The following ZNF492 variants were observed in gnomAD, a reference collection of about 807,000 sequenced individuals.
ZNF492 encodes the protein zinc finger protein 115 (Y20).
ZNF492 carries 3 observed loss-of-function variants against 6.4 expected under a neutral mutation model. The ratio of observed to expected loss-of-function variants is 0.47; its 90% CI spans 0.21 to 1.22. ZNF492 has a LOEUF of 1.22. ZNF492 is among the 50% of genes most tolerant of loss of function. ZNF492 has a pLI of 0.22. For missense variants in ZNF492, 356 were observed against 612.5 expected (o/e 0.58, Z 4.42); for synonymous variants, 112 against 205.3 (o/e 0.55, Z 3.89).
At chr19:22,647,695 G>T (rs1971896193) in intron 1 of ZNF492, among the ~76,000 whole-genome samples, 1 of 146,612 alleles carries the variant, frequency 6.8e-6, no homozygotes, top group Non-Finnish European at 1.5e-5. Flanking sequence ...TTTGGAATTG[G>T]ATTTGTTTGC....
chr19:22,650,362 G>A (rs1019679288), intron 1 of ZNF492, among the ~76,000 whole-genome samples: 1 of 152,138 alleles, frequency 6.6e-6, no homozygotes, highest in Admixed American at 6.5e-5. Context: ...TAGGGTGTCT[G>A]ACAACCCCAG....
At chr19:22,634,611 G>T in intron 1 of ZNF492, 137 bp downstream of exon 1, 1 of 965,248 alleles carries the variant, frequency 1.0e-6, no homozygotes, top group South Asian at 1.4e-5. Flanking sequence ...GCCCAGCCCA[G>T]CCTCAGTCCC....
chr19:22,659,408 C>A (rs1972031447), intron 3 of ZNF492, among the ~76,000 whole-genome samples: 2 of 151,696 alleles, frequency 1.3e-5, no homozygotes, highest in Admixed American at 1.3e-4. Context: ...CTTACACTGC[C>A]TGGAAGTCCT....
At chr19:22,641,161 G>T (rs1178436974) in intron 1 of ZNF492, among the ~76,000 whole-genome samples, 1 of 152,026 alleles carries the variant, frequency 6.6e-6, no homozygotes, top group Non-Finnish European at 1.5e-5. Context: ...ATTTGCTCTT[G>T]CTTCTCTCAG....
At chr19:22,645,882 G>A (rs1410147040) in intron 1 of ZNF492, among the ~76,000 whole-genome samples, 1 of 152,096 alleles carries the variant, frequency 6.6e-6, no homozygotes, top group East Asian at 1.9e-4. Flanking sequence ...TGGTCTATAT[G>A]TCTGTTTTTG....
chr19:22,652,945 G>A (rs1971956596), intron 1 of ZNF492, among the ~76,000 whole-genome samples: 1 of 152,118 alleles, frequency 6.6e-6, no homozygotes, highest in Admixed American at 6.5e-5. Context: ...TAACATGTGA[G>A]CAGTATTTTC....
intron 3 of ZNF492, among the ~76,000 whole-genome samples, chr19:22,654,821 C>T (rs1183563655): frequency 6.7e-6 from 1 of 149,700 alleles, no homozygotes; most frequent in South Asian, 2.1e-4. Context: ...AGGCTGGTCT[C>T]GAACTCCTAG....
At chr19:22,654,674 T>A (rs188618314) in intron 3 of ZNF492, among the ~76,000 whole-genome samples, 268 of 151,280 alleles carry the variant, frequency 1.8e-3, no homozygotes, top group Admixed American at 3.0e-3. Flanking sequence ...TCATCTCGGC[T>A]AACTGCAACC....
rs1456990802 is a variant in ZNF492 at position 22,634,393 on chromosome 19, C to T, written c.-175C>T. 1.6e-5 allele frequency: 21 copies of T among 1,276,228 alleles called. No homozygotes were observed. Among genetic ancestry groups the T allele is most frequent in the Non-Finnish European group, 2.4e-5 (21 of 893,338 alleles). 79.1% of individuals were successfully genotyped at this position (1,276,228 alleles called of 1,614,324 possible). On this transcript the variant is annotated 5_prime_UTR_variant, in exon 1 of 4. Coordinates refer to ENST00000456783, the MANE Select transcript of ZNF492 (RefSeq NM_020855.3). The stretch of plus-strand genomic sequence containing the variant: ...GTTCTGCGTCCTCTGGTCCTAGAGG[C>T]CCATCCTCTGTGGCCCTGTGACCTG...
rs576635564 is a variant in ZNF492, at chr19:22,639,473, G to A, written c.-94+4999G>A. On this transcript the variant is annotated intron_variant, in intron 1 of 3. Coordinates refer to ENST00000456783, the MANE Select transcript of ZNF492 (RefSeq NM_020855.3). ...CACCTGTAATCCCAGCACTTTGGGAGGCCAAGGCGGGCAGATCATCTGAGG... is the reference window on the plus strand; with the variant it reads ...CACCTGTAATCCCAGCACTTTGGGAAGCCAAGGCGGGCAGATCATCTGAGG... Among the ~76,000 whole-genome samples, 20 of 152,080 alleles carry A rather than the reference G, an allele frequency of 1.3e-4. No individual in the cohort carries two copies. The East Asian group carries it at 3.7e-3, about 28-fold the overall frequency.
chr19:22,638,947 A>G (rs973777730), intron 1 of ZNF492, among the ~76,000 whole-genome samples: 2 of 151,846 alleles, frequency 1.3e-5, no homozygotes, highest in Non-Finnish European at 2.9e-5. Flanking sequence ...GGTTCAAGCA[A>G]TTCTCTCCCT....
intron 1 of ZNF492, among the ~76,000 whole-genome samples, chr19:22,638,185 TC>T (rs796147325): frequency 1.3e-5 from 2 of 152,294 alleles, no homozygotes; most frequent in African/African-American, 4.8e-5. Context: ...ATTGATGGTT[TC>T]CTTTGCTGTG....
chr19:22,651,169 G>A (rs1162076095), intron 1 of ZNF492, among the ~76,000 whole-genome samples: 1 of 152,024 alleles, frequency 6.6e-6, no homozygotes, highest in Non-Finnish European at 1.5e-5. Context: ...CCTGCCCCGT[G>A]TGGCTCTCAG....
chr19:22,667,654 T>G lies in ZNF492; in HGVS notation c.*2389T>G, dbSNP rs185428803. ...TACACATTTCTGAGTCCTGAATAAA[T>G]AAAAATAATTTCTTGTATATTTTTC... is the stretch of plus-strand genomic sequence containing the variant. On this transcript the variant is annotated 3_prime_UTR_variant, in exon 4 of 4. Transcript: ENST00000456783. 2.5e-4 allele frequency: 38 copies of G among 152,062 alleles called. No individual in the cohort carries two copies. The highest frequency in any genetic ancestry group is 6.5e-4 in the Admixed American group (10 of 15,274). 9.4% of individuals were successfully genotyped at this position (152,062 alleles called of 1,614,324 possible).
Position 22,634,333 on chromosome 19 carries a change from T to G in ZNF492, c.-235T>G, listed in dbSNP as rs986111578. ...TCCGGGATGTGGCGGGGTCTTTGTC[T>G]CTCGCTGCAGTCGGAGTATGGTCTA... On this transcript the variant is annotated 5_prime_UTR_variant, in exon 1 of 4. Coordinates refer to ENST00000456783, the MANE Select transcript of ZNF492 (RefSeq NM_020855.3). The G allele has an allele frequency of 1.4e-5, 13 of 955,622 alleles. No homozygotes were observed. The South Asian group carries it at 1.8e-4, about 13-fold the overall frequency. 59.2% of individuals were successfully genotyped at this position (955,622 alleles called of 1,614,324 possible).
At chr19:22,647,423 AT>A (rs999644033) in intron 1 of ZNF492, among the ~76,000 whole-genome samples, 15 of 143,584 alleles carry the variant, frequency 1.0e-4, no homozygotes, top group Middle Eastern at 3.6e-3. Flanking sequence ...CACCCAGTTA[AT>A]TTTTTTTTTT....
chr19:22,658,838 AT>A (rs1972023980), intron 3 of ZNF492, among the ~76,000 whole-genome samples: 1 of 143,418 alleles, frequency 7.0e-6, no homozygotes, highest in Non-Finnish European at 1.5e-5. Flanking sequence ...GAGAGTTTAT[AT>A]ATGTGCTGCA....
chr19:22,645,989 G>T (rs1971873410), intron 1 of ZNF492, among the ~76,000 whole-genome samples: 1 of 152,114 alleles, frequency 6.6e-6, no homozygotes, highest in South Asian at 2.1e-4. Context: ...GCTTAGGATT[G>T]TCTTGGCTAT....
chr19:22,657,647 TTTA>T (rs1972009868), intron 3 of ZNF492, among the ~76,000 whole-genome samples: 1 of 101,030 alleles, frequency 9.9e-6, no homozygotes, highest in African/African-American at 5.9e-5. Context: ...TGAGTAAACA[TTTA>T]TTATTATTTT....
Sources: allele counts gnomAD v4.1 joint callset (sites outside exome capture counted in the v4.1 genomes callset), GRCh38; gene constraint gnomAD v4.1.1; transcripts MANE v1.5; gene names NCBI Gene and HGNC (gene_info 2026-07-23, HGNC 2026-07-21).